CSF1: variants seen among roughly 807,000 people sequenced by gnomAD.
CSF1 encodes the protein colony stimulating factor 1, also known as macrophage colony-stimulating factor 1.
CSF1 carries 9 observed loss-of-function variants against 48.9 expected under a neutral mutation model. The observed-to-expected ratio is 0.18, with a 90% CI of 0.11 to 0.32. CSF1 has a LOEUF of 0.32. Ranked by LOEUF, CSF1 falls within the 10% of genes least tolerant of loss-of-function variation. The probability of loss-of-function intolerance (pLI) is 1.00; values close to 1 mark genes in which losing one functional copy is unlikely to be tolerated. For missense variants in CSF1, 672 were observed against 697.9 expected, an observed-to-expected ratio of 0.96 and a Z score of 0.42; for synonymous variants, 305 against 284.1, an observed-to-expected ratio of 1.07 and a Z score of -0.74.
In CSF1 at chr1:109,923,407, G is replaced by C. The variant is rs1312807835; in HGVS notation, c.786G>C (p.Glu262Asp). The change falls in exon 6 of 9, where the codon GAG (glutamate) becomes GAC (aspartate). Residue 262 changes from glutamate to aspartate, a missense_variant. Transcript: ENST00000329608. ...RPPRSTCQSF[E>D]PPETPVVKDS... ...CCAGGAGCACCTGCCAGAGCTTTGA[G>C]CCGCCAGAGACCCCAGTTGTCAAGG... 2 of 1,613,870 alleles carry C rather than the reference G, an allele frequency of 1.2e-6. No individual in the cohort carries two copies. The highest frequency in any genetic ancestry group is 1.7e-6 in the Non-Finnish European group (2 of 1,179,974).
chr1:109,910,983 C>A lies in CSF1; in HGVS notation c.-41C>A. 1 of 1,158,842 alleles carries A rather than the reference C, an allele frequency of 8.6e-7. No individual in the cohort carries two copies. The highest frequency in any genetic ancestry group is 1.1e-6 in the Non-Finnish European group (1 of 942,164). 71.8% of individuals were successfully genotyped at this position (1,158,842 alleles called of 1,614,324 possible). A position where few individuals can be genotyped will look rare whatever the true frequency, so the allele number is the denominator to read the frequency against. ...AGCAGCCAGCGAGCGAGCGAGCGAG[C>A]GAGGGCGGCCGACGCGCCCGGCCGG... On this transcript the variant is annotated 5_prime_UTR_variant, in exon 1 of 9. Transcript: ENST00000329608.
At chr1:109,912,914 T>C (rs537334845) in intron 1 of CSF1, among the ~76,000 whole-genome samples, 2 of 151,774 alleles carry the variant, frequency 1.3e-5, no homozygotes, top group African/African-American at 4.8e-5. Flanking sequence ...TCAGCCAGGA[T>C]CCTCACAGTC....
At chr1:109,923,068 C>A (rs1647636702) in intron 5 of CSF1, 98 bp from the exon 6 acceptor site, 1 of 1,239,000 alleles carries the variant, frequency 8.1e-7, no homozygotes, top group Non-Finnish European at 1.1e-6. Flanking sequence ...CCCAGACTCA[C>A]ATTCCCCTCT....
At position 109,911,037 on chromosome 1, in the gene CSF1, G is replaced by A; in HGVS notation, c.14G>A (p.Gly5Asp). The A allele has an allele frequency of 5.3e-6, 6 of 1,139,618 alleles. No individual in the cohort carries two copies. The highest frequency in any genetic ancestry group is 6.5e-6 in the Non-Finnish European group (6 of 929,618). 70.6% of individuals were successfully genotyped at this position (1,139,618 alleles called of 1,614,324 possible). A position where few individuals can be genotyped will look rare whatever the true frequency, so the allele number is the denominator to read the frequency against. ...CCAGCTGCCCGTATGACCGCGCCGG[G>A]CGCCGCCGGGCGCTGCCCTCCCACG... MTAP[G>D]AAGRCPPTTW... Residue 5 changes from glycine to aspartate, a missense_variant, in exon 1 of 9, where the codon GGC becomes GAC. Coordinates refer to ENST00000329608, the MANE Select transcript of CSF1 (RefSeq NM_000757.6).
chr1:109,928,658 G>A (rs1030163020), intron 8 of CSF1, among the ~76,000 whole-genome samples, 194 bp from the exon 9 acceptor site: 1 of 152,142 alleles, frequency 6.6e-6, no homozygotes, highest in Non-Finnish European at 1.5e-5. Context: ...AGTTGGGCCA[G>A]AGGCCTGGGC....
rs542098083 is a variant in CSF1 at position 109,929,680 on chromosome 1, C to G, written c.*842C>G. ...TACCTGCCTGCTGAACAGCCTGCCCCCGTCCATCCATGAGCCAGCATCCGT... is the reference window on the plus strand; with the variant it reads ...TACCTGCCTGCTGAACAGCCTGCCCGCGTCCATCCATGAGCCAGCATCCGT... On this transcript the variant is annotated 3_prime_UTR_variant, in exon 9 of 9. Coordinates refer to ENST00000329608, the MANE Select transcript of CSF1 (RefSeq NM_000757.6). 1.9e-5 allele frequency: 3 copies of G among 154,214 alleles called. No individual in the cohort carries two copies. The highest frequency in any genetic ancestry group is 4.3e-5 in the Non-Finnish European group (3 of 69,368). 9.6% of individuals were successfully genotyped at this position (154,214 alleles called of 1,614,324 possible). A position where few individuals can be genotyped will look rare whatever the true frequency, so the allele number is the denominator to read the frequency against.
In CSF1 at chr1:109,917,412, C is replaced by A. The variant is rs775994370; in HGVS notation, c.345C>A (p.Leu115=). The A allele has an allele frequency of 6.2e-7, 1 of 1,614,126 alleles. No homozygotes were observed. The highest frequency in any genetic ancestry group is 8.5e-7 in the Non-Finnish European group (1 of 1,180,060). Residue 115 remains leucine, a synonymous_variant, in exon 4 of 9, where the codon CTC becomes CTA. Transcript: ENST00000329608. The part of the protein sequence containing the change: ...NAIAIVQLQE[L]SLRLKSCFTK... ...TCGCCATTGTGCAGCTGCAGGAACTCTCTTTGAGGCTGAAGAGCTGCTTCA... is the reference window on the plus strand; with the variant it reads ...TCGCCATTGTGCAGCTGCAGGAACTATCTTTGAGGCTGAAGAGCTGCTTCA...
At chr1:109,910,627 C>CAG (rs1557729565), upstream of CSF1, 1 of 147,458 alleles carries the variant, frequency 6.8e-6, no homozygotes, top group Non-Finnish European at 1.4e-5. Context: ...GCGCAGAAGA[C>CAG]AGAGGGTGAC....
At chr1:109,926,654 C>T (rs2101658560) in intron 8 of CSF1, 1 of 148,196 alleles carries the variant, frequency 6.7e-6, no homozygotes, top group East Asian at 2.1e-4. Context: ...AGGAAGCCTT[C>T]CTGGCTTCTC....
At chr1:109,913,271 C>T (rs1040689481) in intron 1 of CSF1, among the ~76,000 whole-genome samples, 1 of 152,222 alleles carries the variant, frequency 6.6e-6, no homozygotes, top group Admixed American at 6.5e-5. Context: ...GCCAGCATTT[C>T]CCTGAATCTG....
rs534438308 is a variant in CSF1 at position 109,924,946 on chromosome 1, G to A, written c.1622+118G>A. 2.0e-4 allele frequency: 226 copies of A among 1,120,482 alleles called. 1 individual carries two copies. In the African/African-American group the frequency reaches 3.2e-3, roughly 16 times the overall value. 69.4% of individuals were successfully genotyped at this position (1,120,482 alleles called of 1,614,324 possible). A position where few individuals can be genotyped will look rare whatever the true frequency, so the allele number is the denominator to read the frequency against. On this transcript the variant is annotated intron_variant, in intron 7 of 8. Transcript: ENST00000329608. ...CTGAGGAAATGGAGCTGCAGAACAGGATGGGGGAGAGAAGAAGGGCCTCTG... is the reference window on the plus strand; with the variant it reads ...CTGAGGAAATGGAGCTGCAGAACAGAATGGGGGAGAGAAGAAGGGCCTCTG...
chr1:109,919,243 G>T lies in CSF1; in HGVS notation c.396+1780G>T, dbSNP rs140575457. 7.2e-3 allele frequency among the ~76,000 whole-genome samples: 1,091 copies of T among 152,262 alleles called. 8 individuals carry two copies. Among genetic ancestry groups the T allele is most frequent in the Non-Finnish European group, 8.4e-3 (572 of 68,006 alleles). On this transcript the variant is annotated intron_variant, in intron 4 of 8. Transcript: ENST00000329608. ...AGGGAGGACTTTTTGTTCTGTTTTT[G>T]TTGTCGTTGTTTTGAGACAGGGTCT...
intron 1 of CSF1, among the ~76,000 whole-genome samples, chr1:109,912,212 AG>A (rs1654719090): frequency 6.6e-6 from 1 of 151,806 alleles, no homozygotes; most frequent in Non-Finnish European, 1.5e-5. Flanking sequence ...GAGAAAGACA[AG>A]GGGGCTGTGT....
rs559497023 is a variant in CSF1 at position 109,925,127 on chromosome 1, G to A, written c.1623-20G>A. ...CTGCTCCTGCTGATGTCTAATACCA[G>A]CCCTGTGCTCTGCCTGCAGCCCCCT... On this transcript the variant is annotated intron_variant, in intron 7 of 8. Transcript: ENST00000329608. 2 of 1,612,630 alleles carry A rather than the reference G, an allele frequency of 1.2e-6. No homozygotes were observed. The highest frequency in any genetic ancestry group is 2.7e-5 in the African/African-American group (2 of 74,968).
chr1:109,917,491 G>A (rs1362470939), intron 4 of CSF1, 28 bp downstream of exon 4: 1 of 1,611,114 alleles, frequency 6.2e-7, no homozygotes, highest in Admixed American at 1.7e-5. Flanking sequence ...CTGGAGCACT[G>A]AGTGAGGGCA....
intron 8 of CSF1, among the ~76,000 whole-genome samples, chr1:109,928,259 G>A (rs1479877178): frequency 6.6e-6 from 1 of 152,218 alleles, no homozygotes; most frequent in Admixed American, 6.5e-5. Flanking sequence ...GGAGGGGCTG[G>A]GTTGCTTAGG....
At position 109,910,881 on chromosome 1, in the gene CSF1, TG is replaced by T; in HGVS notation, c.-140del. ...GGCCCGGGGAAAGTGAAAGTTTGCC[TG>T]GGTCCTCTCGGCGCCAGAGCCGCTC... On this transcript the variant is annotated 5_prime_UTR_variant, in exon 1 of 9. Transcript: ENST00000329608. 2.2e-6 allele frequency: 1 copy of T among 451,856 alleles called. No individual in the cohort carries two copies. Among genetic ancestry groups the T allele is most frequent in the Non-Finnish European group, 3.1e-6 (1 of 326,974 alleles). 28.0% of individuals were successfully genotyped at this position (451,856 alleles called of 1,614,324 possible). A position where few individuals can be genotyped will look rare whatever the true frequency, so the allele number is the denominator to read the frequency against.
chr1:109,924,089 A>G lies in CSF1; in HGVS notation c.1468A>G (p.Ser490Gly). ...GHERQSEGSF[S>G]PQLQESVFHL... Reference sequence around the variant, plus strand: ...TGAGAGGCAGTCCGAGGGATCCTTCAGCCCGCAGCTCCAGGAGTCTGTCTT... The same window carrying G: ...TGAGAGGCAGTCCGAGGGATCCTTCGGCCCGCAGCTCCAGGAGTCTGTCTT... The change falls in exon 6 of 9, where the codon AGC (serine) becomes GGC (glycine). Residue 490 changes from serine (S) to glycine (G), a missense_variant. By Grantham distance (56) the Ser-to-Gly change is moderately conservative. Transcript: ENST00000329608. The G allele has an allele frequency of 1.2e-6, 2 of 1,614,206 alleles. No individual in the cohort carries two copies. The highest frequency in any genetic ancestry group is 1.7e-6 in the Non-Finnish European group (2 of 1,180,022).
chr1:109,929,100 T>G lies in CSF1; in HGVS notation c.*262T>G, dbSNP rs1647961231. 1 of 152,822 alleles carries G rather than the reference T, an allele frequency of 6.5e-6. No individual in the cohort carries two copies. The allele number at this position is 152,822 out of a possible 1,614,324, so 9.5% of individuals were successfully genotyped here. On this transcript the variant is annotated 3_prime_UTR_variant, in exon 9 of 9. Coordinates refer to ENST00000329608, the MANE Select transcript of CSF1 (RefSeq NM_000757.6). ...TGAGCCCTGGAGGCTCCCATGTGCTTGAGGAAGGCTGGTGAGCCCGGCTCA... is the reference window on the plus strand; with the variant it reads ...TGAGCCCTGGAGGCTCCCATGTGCTGGAGGAAGGCTGGTGAGCCCGGCTCA...
Sources: gnomAD v4.1 joint callset for allele counts (sites outside exome capture counted in the v4.1 genomes callset) on GRCh38, gnomAD v4.1.1 for gene constraint, MANE v1.5 for transcripts, NCBI Gene and HGNC (gene_info 2026-07-23, HGNC 2026-07-21) for gene names.